The following MYO5B variants were observed in gnomAD, a reference collection of about 807,000 sequenced individuals.
The protein encoded by MYO5B is unconventional myosin-Vb.
In MYO5B, 143 loss-of-function variants were observed where a neutral mutation model predicts 229.3. The ratio of observed to expected loss-of-function variants is 0.62; its 90% CI spans 0.54 to 0.72. The LOEUF (loss-of-function observed/expected upper bound fraction) is 0.72, where lower values mean the gene tolerates loss of function less well. MYO5B is among the 30% of genes least tolerant of loss of function. The pLI is 0.00. For synonymous variants in MYO5B, 918 were observed against 885.2 expected (o/e 1.04, Z -0.66); for missense variants, 2,321 against 2,331.0 (o/e 1.00, Z 0.09).
intron 1 of MYO5B, among the ~76,000 whole-genome samples, chr18:50,164,392 C>T (rs2032813415): frequency 6.6e-6 from 1 of 152,148 alleles, no homozygotes; most frequent in African/African-American, 2.4e-5. Flanking sequence ...ACCAGTTATC[C>T]ATGAGATAGA....
chr18:50,088,862 G>T (rs186831005), intron 1 of MYO5B, among the ~76,000 whole-genome samples: 1 of 152,024 alleles, frequency 6.6e-6, no homozygotes, highest in Non-Finnish European at 1.5e-5. Context: ...CACCTTTTTG[G>T]TTCTTCCAAA....
intron 1 of MYO5B, among the ~76,000 whole-genome samples, chr18:50,145,936 A>G (rs993901463): frequency 1.3e-5 from 2 of 152,238 alleles, no homozygotes; most frequent in African/African-American, 2.4e-5. Flanking sequence ...GGAAGAAACC[A>G]TTTACCAAAA....
intron 1 of MYO5B, among the ~76,000 whole-genome samples, chr18:50,093,557 A>G (rs1028934053): frequency 5.9e-5 from 9 of 152,066 alleles, no homozygotes; most frequent in Non-Finnish European, 1.3e-4. Flanking sequence ...TGAGGCTGAG[A>G]CCTGCTGGGC....
chr18:50,081,873 G>A (rs969357701), intron 1 of MYO5B, among the ~76,000 whole-genome samples: 5 of 152,148 alleles, frequency 3.3e-5, no homozygotes, highest in African/African-American at 1.2e-4. Flanking sequence ...AGGCTAGCCT[G>A]ATGGTCTTTC....
chr18:50,125,508 C>T (rs1244009127), intron 1 of MYO5B, among the ~76,000 whole-genome samples: 2 of 152,012 alleles, frequency 1.3e-5, no homozygotes. Context: ...TAACCTACAA[C>T]TTAAAGTATA....
chr18:50,109,663 T>C (rs1451205155), intron 1 of MYO5B, among the ~76,000 whole-genome samples: 1 of 152,058 alleles, frequency 6.6e-6, no homozygotes, highest in Non-Finnish European at 1.5e-5. Context: ...CCTGACGTTG[T>C]GATCCACCTG....
At chr18:50,115,545 G>C (rs62101461) in intron 1 of MYO5B, among the ~76,000 whole-genome samples, 14,327 of 106,090 alleles carry the variant, frequency 0.14, 817 homozygotes, top group South Asian at 0.27. Flanking sequence ...CACACACAGA[G>C]AGACACACAC....
At chr18:49,890,415 T>C (rs2024697760) in intron 22 of MYO5B, among the ~76,000 whole-genome samples, 1 of 152,222 alleles carries the variant, frequency 6.6e-6, no homozygotes, top group East Asian at 1.9e-4. Flanking sequence ...CAGGCAACAT[T>C]ACTCAGTGTT....
chr18:50,008,462 A>C (rs11663368), intron 4 of MYO5B, among the ~76,000 whole-genome samples: 24,765 of 152,120 alleles, frequency 0.16, 2,148 homozygotes, highest in East Asian at 0.25. Flanking sequence ...TTCGAGTTGT[A>C]CAAGTTACTG....
chr18:50,135,813 A>G (rs1014963600), intron 1 of MYO5B, among the ~76,000 whole-genome samples: 1 of 152,198 alleles, frequency 6.6e-6, no homozygotes, highest in Non-Finnish European at 1.5e-5. Flanking sequence ...ACTTGGGAGG[A>G]AACACTGCAC....
chr18:50,078,624 T>C (rs564128816), intron 1 of MYO5B, among the ~76,000 whole-genome samples: 1 of 152,318 alleles, frequency 6.6e-6, no homozygotes, highest in East Asian at 1.9e-4. Context: ...GGAACAAGCC[T>C]TTATTTTTAT....
rs2023827306 is a variant in MYO5B, at chr18:49,825,227, A to G, written c.*1244T>C. 1 of 152,252 alleles carries G rather than the reference A, an allele frequency of 6.6e-6. No individual in the cohort carries two copies. The highest frequency in any genetic ancestry group is 2.1e-4 in the South Asian group (1 of 4,834). 9.4% of individuals were successfully genotyped at this position (152,252 alleles called of 1,614,324 possible). A position where few individuals can be genotyped will look rare whatever the true frequency, so the allele number is the denominator to read the frequency against. Reference sequence around the variant, plus strand: ...GTTTCCAATTGAATGCTTGCTTTTGAAGAAACCAAAAACAAGTTAAAAAAA... The same window carrying G: ...GTTTCCAATTGAATGCTTGCTTTTGGAGAAACCAAAAACAAGTTAAAAAAA... On this transcript the variant is annotated 3_prime_UTR_variant, in exon 40 of 40. Coordinates refer to ENST00000285039, the MANE Select transcript of MYO5B (RefSeq NM_001080467.3).
chr18:50,022,467 A>T (rs1015161112), intron 4 of MYO5B, among the ~76,000 whole-genome samples: 6 of 152,144 alleles, frequency 3.9e-5, no homozygotes, highest in African/African-American at 1.4e-4. Flanking sequence ...TCCTTCCTCA[A>T]CTCAAGGCAT....
chr18:50,152,556 C>T (rs1041157731), intron 1 of MYO5B, among the ~76,000 whole-genome samples: 4 of 152,118 alleles, frequency 2.6e-5, no homozygotes, highest in Non-Finnish European at 5.9e-5. Flanking sequence ...ACTCCATTAT[C>T]CCAATCACAT....
chr18:50,012,646 ACCTGC>A (rs2026174619), intron 4 of MYO5B, among the ~76,000 whole-genome samples: 1 of 152,142 alleles, frequency 6.6e-6, no homozygotes, highest in South Asian at 2.1e-4. Context: ...ATCCTAGAAA[ACCTGC>A]CCTGAAAATT....
At chr18:50,159,541 C>T (rs1299164217) in intron 1 of MYO5B, among the ~76,000 whole-genome samples, 1 of 152,178 alleles carries the variant, frequency 6.6e-6, no homozygotes, top group African/African-American at 2.4e-5. Context: ...TCCAGGTGCT[C>T]TGCAGCCCCC....
chr18:49,834,928 G>T (rs188516611), intron 39 of MYO5B, among the ~76,000 whole-genome samples: 1 of 152,184 alleles, frequency 6.6e-6, no homozygotes, highest in Non-Finnish European at 1.5e-5. Context: ...GTGAGCCACC[G>T]CACCTGGCCT....
rs371633340 is a variant in MYO5B at position 49,991,468 on chromosome 18, G to A, written c.756+820C>T. ...AGGGAGCTGGAGGAGGACTTCTATC[G>A]GCGTTGTGAGTTGCACCAAGCCCAC... On this transcript the variant is annotated intron_variant, in intron 6 of 39. Coordinates refer to ENST00000285039, the MANE Select transcript of MYO5B (RefSeq NM_001080467.3). 1.8e-4 allele frequency among the ~76,000 whole-genome samples: 28 copies of A among 152,214 alleles called. No individual in the cohort carries two copies. The South Asian group carries it at 4.8e-3, about 26-fold the overall frequency.
chr18:50,171,733 A>C (rs2032922518), intron 1 of MYO5B, among the ~76,000 whole-genome samples: 1 of 127,842 alleles, frequency 7.8e-6, no homozygotes, highest in African/African-American at 3.0e-5. Flanking sequence ...GGTTTTGTCA[A>C]GATGTTGAAA....
Sources: gnomAD v4.1 joint callset for allele counts (sites outside exome capture counted in the v4.1 genomes callset) on GRCh38, gnomAD v4.1.1 for gene constraint, MANE v1.5 for transcripts, NCBI Gene and HGNC (gene_info 2026-07-23, HGNC 2026-07-21) for gene names.